GPC1: variants seen among roughly 807,000 people sequenced by gnomAD.
GPC1 encodes the protein glypican 1, also known as glypican-1.
Under a neutral mutation model 51.5 loss-of-function variants are expected in GPC1, and 26 were observed. The ratio of observed to expected loss-of-function variants is 0.50; its 90% CI spans 0.37 to 0.70. The LOEUF (loss-of-function observed/expected upper bound fraction) is 0.70. Among genes scored for constraint, GPC1 ranks in the 30% least tolerant of loss-of-function variants. The probability of loss-of-function intolerance (pLI) is 0.00; values close to 1 mark genes in which losing one functional copy is unlikely to be tolerated. For missense variants in GPC1, 775 were observed against 800.5 expected, an observed-to-expected ratio of 0.97 and a Z score of 0.38; for synonymous variants, 380 against 348.3, an observed-to-expected ratio of 1.09 and a Z score of -1.01.
chr2:240,457,341 G>A (rs1272658639), intron 1 of GPC1: 4 of 442,086 alleles, frequency 9.0e-6, no homozygotes, highest in Non-Finnish European at 1.5e-5. Context: ...GGGGCCAAGC[G>A]GCAGCCGCCC....
intron 1 of GPC1, among the ~76,000 whole-genome samples, chr2:240,456,392 A>G (rs1326290525): frequency 2.0e-5 from 3 of 151,704 alleles, no homozygotes; most frequent in Non-Finnish European, 4.4e-5. Flanking sequence ...GACGCCACCC[A>G]CCCTCCTCCC....
intron 2 of GPC1, 81 bp from the exon 3 acceptor site, chr2:240,462,110 C>A: frequency 7.4e-7 from 1 of 1,343,470 alleles, no homozygotes; most frequent in Non-Finnish European, 1.0e-6. Context: ...AGCTGAGTCT[C>A]CCGGGCTGAG....
chr2:240,452,535 C>T (rs1238128921), intron 1 of GPC1: 4 of 152,338 alleles, frequency 2.6e-5, no homozygotes, highest in African/African-American at 4.8e-5. Flanking sequence ...GACCCAGGAG[C>T]CCCTGCACCA....
At chr2:240,456,132 GGGCTGAGGGGTCGGCGGGGGA>G (rs1243923250) in intron 1 of GPC1, 1 of 274,012 alleles carries the variant, frequency 3.6e-6, no homozygotes, top group Admixed American at 5.8e-5. Flanking sequence ...TGGCCGGGCG[GGGCTGAGGGGTCGGCGGGGGA>G]GGCTGAGGCG....
At chr2:240,449,730 C>A in intron 1 of GPC1, 1 of 428,428 alleles carries the variant, frequency 2.3e-6, no homozygotes, top group Non-Finnish European at 4.8e-6. Context: ...TCCACCGCCC[C>A]TGGTGCCCGC....
chr2:240,462,327 T>C lies in GPC1; in HGVS notation c.462T>C (p.Gly154=), dbSNP rs1451140872. ...LYSELRLYYR[G]ANLHLEETLA... ...CAGAGCTGCGCCTGTACTACCGCGG[T>C]GCCAACCTGCACCTGGAGGAGACGC... The change falls in exon 3 of 9, where the codon GGT becomes GGC. Residue 154 remains glycine (G), a synonymous_variant. Transcript: ENST00000264039. The C allele has an allele frequency of 6.2e-7, 1 of 1,604,292 alleles. No homozygotes were observed. Among genetic ancestry groups the C allele is most frequent in the South Asian group, 1.1e-5 (1 of 89,832 alleles).
At chr2:240,463,119 C>T (rs374556959) in intron 3 of GPC1, among the ~76,000 whole-genome samples, 84 of 152,234 alleles carry the variant, frequency 5.5e-4, no homozygotes, top group Middle Eastern at 3.4e-3. Context: ...CAGCGGCATG[C>T]GGGTGAGGAT....
At chr2:240,458,696 C>T (rs1374181680) in intron 1 of GPC1, 4 of 281,062 alleles carry the variant, frequency 1.4e-5, no homozygotes, top group African/African-American at 4.4e-5. Flanking sequence ...GGAGCCTTCT[C>T]CACACTTGCA....
At chr2:240,440,315 C>T (rs2074009982) in intron 1 of GPC1, among the ~76,000 whole-genome samples, 1 of 152,214 alleles carries the variant, frequency 6.6e-6, no homozygotes, top group Non-Finnish European at 1.5e-5. Context: ...CGGAAGGGGT[C>T]TTTGTAGACC....
In GPC1 at chr2:240,462,314, T is replaced by A; in HGVS notation, c.449T>A (p.Leu150Gln). The A allele has an allele frequency of 6.2e-7, 1 of 1,607,458 alleles. No individual in the cohort carries two copies. Among genetic ancestry groups the A allele is most frequent in the Non-Finnish European group, 8.5e-7 (1 of 1,177,592 alleles). ...CGGGACCTGTACTCAGAGCTGCGCCTGTACTACCGCGGTGCCAACCTGCAC... is the reference window on the plus strand; with the variant it reads ...CGGGACCTGTACTCAGAGCTGCGCCAGTACTACCGCGGTGCCAACCTGCAC... ...AFRDLYSELR[L>Q]YYRGANLHLE... Residue 150 changes from leucine to glutamine, a missense_variant, in exon 3 of 9, where the codon CTG becomes CAG. By Grantham distance (113) the Leu-to-Gln change is moderately radical (BLOSUM62 -2). Coordinates refer to ENST00000264039, the MANE Select transcript of GPC1 (RefSeq NM_002081.3).
At chr2:240,443,989 G>C (rs1423982384) in intron 1 of GPC1, among the ~76,000 whole-genome samples, 1 of 152,246 alleles carries the variant, frequency 6.6e-6, no homozygotes, top group African/African-American at 2.4e-5. Context: ...GGTGAGGCTG[G>C]GTCAGAGGAT....
intron 1 of GPC1, chr2:240,451,228 C>G (rs754952905): frequency 4.7e-5 from 22 of 471,196 alleles, no homozygotes; most frequent in African/African-American, 2.4e-4. Context: ...GTATGTGTGT[C>G]TCTGCCTGGT....
At position 240,449,630 on chromosome 2, in the gene GPC1, G is replaced by A. The variant is rs1302865961; in HGVS notation, c.167-9400G>A. ...GTTCAGTCCATTCATGCTGTTGTGCGGCCGTCACCCCCATCCAGCTCCAGG... is the reference window on the plus strand; with the variant it reads ...GTTCAGTCCATTCATGCTGTTGTGCAGCCGTCACCCCCATCCAGCTCCAGG... On this transcript the variant is annotated intron_variant, in intron 1 of 8. Coordinates refer to ENST00000264039, the MANE Select transcript of GPC1 (RefSeq NM_002081.3). 2.2e-5 allele frequency: 7 copies of A among 314,214 alleles called. 1 individual carries two copies. Among genetic ancestry groups the A allele is most frequent in the South Asian group, 1.6e-4 (6 of 37,366 alleles). 19.5% of individuals were successfully genotyped at this position (314,214 alleles called of 1,614,324 possible).
chr2:240,456,864 T>A, intron 1 of GPC1: 1 of 304,838 alleles, frequency 3.3e-6, no homozygotes, highest in South Asian at 2.7e-5. Flanking sequence ...TCTTCTTGCC[T>A]GAGGGCGCCT....
intron 1 of GPC1, among the ~76,000 whole-genome samples, chr2:240,438,723 T>C (rs1353045316): frequency 6.6e-6 from 1 of 152,196 alleles, no homozygotes; most frequent in Non-Finnish European, 1.5e-5. Flanking sequence ...GACAGGAGAC[T>C]TAGCTCATGA....
chr2:240,459,571 TG>T (rs2074199293), intron 2 of GPC1, among the ~76,000 whole-genome samples: 1 of 152,176 alleles, frequency 6.6e-6, no homozygotes, highest in Admixed American at 6.5e-5. Context: ...CCACTGCCCC[TG>T]GGGACCAGGT....
chr2:240,457,498 C>T (rs1294590618), intron 1 of GPC1: 1 of 469,372 alleles, frequency 2.1e-6, no homozygotes, highest in Admixed American at 2.4e-5. Context: ...GTCCCCACCC[C>T]AGATGGCCTC....
intron 1 of GPC1, among the ~76,000 whole-genome samples, chr2:240,449,141 G>A (rs1233702394): frequency 6.6e-6 from 1 of 152,208 alleles, no homozygotes; most frequent in East Asian, 1.9e-4. Flanking sequence ...GCTCTCCAAG[G>A]AGGCTGGGGA....
In GPC1 at chr2:240,466,569, T is replaced by G; in HGVS notation, c.*279T>G. 1 of 440,404 alleles carries G rather than the reference T, an allele frequency of 2.3e-6. No individual in the cohort carries two copies. The highest frequency in any genetic ancestry group is 2.0e-5 in the African/African-American group (1 of 50,262). The allele number at this position is 440,404 out of a possible 1,614,324, so 27.3% of individuals were successfully genotyped here. ...AGGGGCACCTCCGGCTGCCTAGCCCTCCCCCCAGCTCCCTGCACCGCCGCA... is the reference window on the plus strand; with the variant it reads ...AGGGGCACCTCCGGCTGCCTAGCCCGCCCCCCAGCTCCCTGCACCGCCGCA... On this transcript the variant is annotated 3_prime_UTR_variant, in exon 9 of 9. Coordinates refer to ENST00000264039, the MANE Select transcript of GPC1 (RefSeq NM_002081.3).
Sources: allele counts gnomAD v4.1 joint callset (sites outside exome capture counted in the v4.1 genomes callset), GRCh38; gene constraint gnomAD v4.1.1; transcripts MANE v1.5; gene names NCBI Gene and HGNC (gene_info 2026-07-23, HGNC 2026-07-21).